Variants in IL12RB2 observed in about 807,000 individuals in gnomAD.
IL12RB2 encodes interleukin 12 receptor subunit beta 2.
Under a neutral mutation model 89.4 loss-of-function variants are expected in IL12RB2, and 82 were observed. The observed-to-expected ratio is 0.92, with a 90% confidence interval of 0.77 to 1.10. The LOEUF (loss-of-function observed/expected upper bound fraction) is 1.10. Ranked by LOEUF, IL12RB2 falls within the 50% of genes least tolerant of loss-of-function variation. The probability of loss-of-function intolerance (pLI) is 0.00; values close to 1 mark genes in which losing one functional copy is unlikely to be tolerated. For missense variants in IL12RB2, 963 were observed against 1,031.9 expected (o/e 0.93, Z 0.92); for synonymous variants, 368 against 370.1 (o/e 0.99, Z 0.07).
At chr1:67,353,507 T>C (rs1661063394) in intron 10 of IL12RB2, among the ~76,000 whole-genome samples, 2 of 152,190 alleles carry the variant, frequency 1.3e-5, no homozygotes, top group African/African-American at 4.8e-5. Context: ...AGGTTGAGAT[T>C]GCAGTGAACT....
chr1:67,323,799 G>A (rs1402480167), intron 4 of IL12RB2, among the ~76,000 whole-genome samples: 1 of 152,120 alleles, frequency 6.6e-6, no homozygotes, highest in Non-Finnish European at 1.5e-5. Context: ...ACAGCCAAAG[G>A]AAAAACAGAA....
At chr1:67,323,466 G>A (rs1476025386) in intron 4 of IL12RB2, among the ~76,000 whole-genome samples, 3 of 152,110 alleles carry the variant, frequency 2.0e-5, no homozygotes, top group South Asian at 4.1e-4. Context: ...TCATGAAATG[G>A]TCATAGTAAT....
At chr1:67,366,452 C>CAAAAA (rs11329710) in intron 10 of IL12RB2, among the ~76,000 whole-genome samples, 156 of 52,870 alleles carry the variant, frequency 3.0e-3, no homozygotes, top group Non-Finnish European at 3.6e-3. Context: ...GACTCCATCT[C>CAAAAA]AAAAAAAAAA....
intron 8 of IL12RB2, 33 bp from the exon 9 acceptor site, chr1:67,338,591 T>G: frequency 1.9e-6 from 2 of 1,032,918 alleles, no homozygotes; most frequent in Non-Finnish European, 3.1e-6. Context: ...AGTAAATATA[T>G]GAAAATATGT....
chr1:67,358,205 C>T (rs1478991633), intron 10 of IL12RB2, among the ~76,000 whole-genome samples: 2 of 151,986 alleles, frequency 1.3e-5, no homozygotes, highest in Non-Finnish European at 2.9e-5. Context: ...AATACAATAA[C>T]ATAATATCTT....
chr1:67,321,967 GA>G, intron 4 of IL12RB2, 78 bp downstream of exon 4: 1 of 1,227,880 alleles, frequency 8.1e-7, no homozygotes, highest in South Asian at 1.2e-5. Flanking sequence ...GTGTTAAACA[GA>G]AACCCAAATA....
At position 67,328,314 on chromosome 1, in the gene IL12RB2, C is replaced by G; in HGVS notation, c.594C>G (p.Ala198=). The G allele has an allele frequency of 6.2e-7, 1 of 1,614,158 alleles. No homozygotes were observed. The highest frequency in any genetic ancestry group is 1.3e-5 in the African/African-American group (1 of 75,048). ...AATCACCTGAATCCAATTTCACAGC[C>G]AAGGTTACTGCTGTCAATAGTCTTG... The part of the protein sequence containing the change: ...TPESPESNFT[A]KVTAVNSLGS... The change falls in exon 6 of 17, where the codon GCC becomes GCG. Residue 198 remains alanine, a synonymous_variant. Transcript: ENST00000674203.
chr1:67,392,228 G>A (rs1193487846), intron 16 of IL12RB2, among the ~76,000 whole-genome samples: 4 of 152,162 alleles, frequency 2.6e-5, no homozygotes, highest in South Asian at 2.1e-4. Context: ...TGTAGTATAA[G>A]TGTATTCATT....
intron 13 of IL12RB2, among the ~76,000 whole-genome samples, chr1:67,378,032 G>A (rs1664163776): frequency 6.6e-6 from 1 of 152,062 alleles, no homozygotes; most frequent in Admixed American, 6.6e-5. Flanking sequence ...AGGCCACGGT[G>A]GGAGAATTGC....
chr1:67,338,433 G>A (rs555095580), intron 8 of IL12RB2, among the ~76,000 whole-genome samples, 191 bp from the exon 9 acceptor site: 1 of 120,604 alleles, frequency 8.3e-6, no homozygotes, highest in Non-Finnish European at 1.8e-5. Flanking sequence ...AGGTAACCTT[G>A]TTTTTCTGAC....
At chr1:67,309,073 T>C (rs956663890) in intron 1 of IL12RB2, among the ~76,000 whole-genome samples, 4 of 150,586 alleles carry the variant, frequency 2.7e-5, no homozygotes, top group Non-Finnish European at 5.9e-5. Flanking sequence ...CACACACACA[T>C]ACACATATAT....
At chr1:67,395,515 A>G in intron 16 of IL12RB2, 32 bp from the exon 17 acceptor site, 1 of 1,614,174 alleles carries the variant, frequency 6.2e-7, no homozygotes, top group African/African-American at 1.3e-5. Flanking sequence ...CTTCTACAGC[A>G]GTGTGAGCCT....
intron 10 of IL12RB2, among the ~76,000 whole-genome samples, chr1:67,367,234 T>TA (rs17109849): frequency 0.14 from 20,501 of 146,710 alleles, 2,061 homozygotes; most frequent in African/African-American, 0.28. Context: ...CTCTGTCTAA[T>TA]AAAAAAAAAA....
chr1:67,362,422 C>T (rs1167142828), intron 10 of IL12RB2, among the ~76,000 whole-genome samples: 4 of 148,326 alleles, frequency 2.7e-5, no homozygotes, highest in Non-Finnish European at 6.0e-5. Flanking sequence ...AAAAATTAGC[C>T]GGGCGCGGTG....
intron 4 of IL12RB2, among the ~76,000 whole-genome samples, chr1:67,323,535 A>G (rs572683713): frequency 6.6e-6 from 1 of 152,348 alleles, no homozygotes; most frequent in South Asian, 2.1e-4. Flanking sequence ...GGAGGCATTC[A>G]GGTGACGGCT....
chr1:67,323,309 T>C (rs1031748463), intron 4 of IL12RB2, among the ~76,000 whole-genome samples: 8 of 152,226 alleles, frequency 5.3e-5, no homozygotes, highest in Non-Finnish European at 1.2e-4. Flanking sequence ...CTGTGAGTCA[T>C]ATACTCTCAG....
chr1:67,310,851 A>G (rs2100499421), intron 1 of IL12RB2, among the ~76,000 whole-genome samples: 1 of 152,154 alleles, frequency 6.6e-6, no homozygotes, highest in South Asian at 2.1e-4. Context: ...CAGCCTCCCA[A>G]ATAGCTGGGA....
chr1:67,355,511 A>T (rs994680250), intron 10 of IL12RB2, among the ~76,000 whole-genome samples: 1 of 152,082 alleles, frequency 6.6e-6, no homozygotes, highest in Admixed American at 6.6e-5. Flanking sequence ...CAGCCCTTCT[A>T]CTCAAGACCT....
chr1:67,342,701 A>G (rs1045995646), intron 9 of IL12RB2, among the ~76,000 whole-genome samples: 10 of 149,976 alleles, frequency 6.7e-5, no homozygotes, highest in Non-Finnish European at 4.4e-5. Flanking sequence ...CCCATGACTT[A>G]GTTTCTCTTG....
Sources: allele counts gnomAD v4.1 joint callset (sites outside exome capture counted in the v4.1 genomes callset), GRCh38; gene constraint gnomAD v4.1.1; transcripts MANE v1.5; gene names NCBI Gene and HGNC (gene_info 2026-07-23, HGNC 2026-07-21).